The following HELZ variants were observed in gnomAD, a reference collection of about 807,000 sequenced individuals.
HELZ encodes the protein ATP-dependent RNA helicase with zinc finger domain.
In HELZ, 23 loss-of-function variants were observed where a neutral mutation model predicts 218.2. The ratio of observed to expected loss-of-function variants is 0.11; its 90% CI spans 0.08 to 0.15. HELZ has a LOEUF of 0.15. Among genes scored for constraint, HELZ ranks in the 10% least tolerant of loss-of-function variants. HELZ has a pLI of 1.00. For missense variants in HELZ, 1,813 were observed against 2,353.7 expected (o/e 0.77, Z 4.75); for synonymous variants, 814 against 829.4 (o/e 0.98, Z 0.32).
chr17:67,204,074 T>C (rs2040236349), intron 5 of HELZ, among the ~76,000 whole-genome samples: 1 of 152,242 alleles, frequency 6.6e-6, no homozygotes, highest in South Asian at 2.1e-4. Context: ...TGCTAATGGT[T>C]CAATTAGTAG....
intron 31 of HELZ, among the ~76,000 whole-genome samples, chr17:67,104,360 A>T (rs1598223567): frequency 6.7e-6 from 1 of 148,534 alleles, no homozygotes; most frequent in Non-Finnish European, 1.5e-5. Flanking sequence ...AATGGCGTGA[A>T]CCCGGGAGGC....
At chr17:67,171,527 C>T (rs2039310158) in intron 13 of HELZ, among the ~76,000 whole-genome samples, 1 of 152,214 alleles carries the variant, frequency 6.6e-6, no homozygotes, top group South Asian at 2.1e-4. Flanking sequence ...AGTTCCCCTC[C>T]TTCCTAATTC....
At chr17:67,237,942 C>T (rs181963230) in intron 3 of HELZ, among the ~76,000 whole-genome samples, 107 of 148,736 alleles carry the variant, frequency 7.2e-4, no homozygotes, top group Non-Finnish European at 1.1e-3. Flanking sequence ...GAGCTGAGAT[C>T]GCCCCATTGC....
rs1272542357 is a variant in HELZ at position 67,195,435 on chromosome 17, C to A, written c.465G>T (p.Val155=). ...ATSNALSGYH[V]EDLDEGSCNG... is the part of the protein sequence containing the mutation. ...GGCACTTACCCTCATCTAAGTCTTC[C>A]ACGTGATATCCAGAGAGGGCGTTAC... The change falls in exon 8 of 33, where the codon GTG becomes GTT. Residue 155 remains valine, a synonymous_variant. Transcript: ENST00000358691. 3.1e-6 allele frequency: 5 copies of A among 1,605,258 alleles called. No individual in the cohort carries two copies. Among genetic ancestry groups the A allele is most frequent in the Admixed American group, 3.3e-5 (2 of 59,958 alleles).
intron 15 of HELZ, among the ~76,000 whole-genome samples, chr17:67,165,887 T>C (rs1022990171): frequency 2.0e-5 from 3 of 152,170 alleles, no homozygotes; most frequent in African/African-American, 4.8e-5. Flanking sequence ...ATCCCAGAAC[T>C]CTGGCAAGAT....
intron 18 of HELZ, among the ~76,000 whole-genome samples, chr17:67,150,476 GAAC>G (rs2038649831): frequency 6.6e-6 from 1 of 152,114 alleles, no homozygotes; most frequent in African/African-American, 2.4e-5. Context: ...ATATTTATCA[GAAC>G]AACTTCTTGA....
chr17:67,164,168 A>G (rs2039071732), intron 15 of HELZ, among the ~76,000 whole-genome samples: 1 of 152,234 alleles, frequency 6.6e-6, no homozygotes, highest in South Asian at 2.1e-4. Context: ...CTCTTCCTGT[A>G]CAAAGCTCAG....
intron 3 of HELZ, among the ~76,000 whole-genome samples, chr17:67,230,505 G>C (rs536538356): frequency 6.8e-6 from 1 of 148,108 alleles, no homozygotes; most frequent in Non-Finnish European, 1.5e-5. Flanking sequence ...GCTGAGGCAG[G>C]AGAATCGCTT....
rs567255811 is a variant in HELZ at position 67,085,177 on chromosome 17, G to A, written c.5494+1652C>T. ...CTCATGCCTGTAATCCCAGCACTTT[G>A]GGAGGCTGAGGTGGGCAGATCGCTT... On this transcript the variant is annotated intron_variant, in intron 32 of 32. Coordinates refer to ENST00000358691, the MANE Select transcript of HELZ (RefSeq NM_014877.4). 2.0e-5 allele frequency among the ~76,000 whole-genome samples: 3 copies of A among 152,278 alleles called. No homozygotes were observed. In the South Asian group the frequency reaches 6.2e-4, roughly 32 times the overall value.
intron 31 of HELZ, among the ~76,000 whole-genome samples, chr17:67,096,180 T>C (rs955048226): frequency 8.3e-6 from 1 of 119,858 alleles, no homozygotes; most frequent in African/African-American, 3.2e-5. Context: ...GTCTCAATAG[T>C]GGGTTTAAAA....
Position 67,138,123 on chromosome 17 carries a change from A to G in HELZ, c.2770-9T>C. ...TCCACCACTTCAAACACCTTTAAAA[A>G]CAAACACACACATACATATTAAAGT... On this transcript the variant is annotated splice_polypyrimidine_tract_variant and intron_variant, in intron 21 of 32. Coordinates refer to ENST00000358691, the MANE Select transcript of HELZ (RefSeq NM_014877.4). 1.2e-6 allele frequency: 2 copies of G among 1,604,150 alleles called. No individual in the cohort carries two copies. The highest frequency in any genetic ancestry group is 1.7e-6 in the Non-Finnish European group (2 of 1,173,792).
intron 31 of HELZ, among the ~76,000 whole-genome samples, chr17:67,106,441 G>A (rs1281176580): frequency 6.6e-6 from 1 of 151,516 alleles, no homozygotes; most frequent in African/African-American, 2.4e-5. Context: ...CCGAGTAGCT[G>A]GGACTACAGG....
chr17:67,132,274 A>G (rs2038011561), intron 23 of HELZ, among the ~76,000 whole-genome samples: 1 of 152,168 alleles, frequency 6.6e-6, no homozygotes. Context: ...ATCTCTACAC[A>G]TACATGAAAT....
intron 24 of HELZ, among the ~76,000 whole-genome samples, chr17:67,126,526 T>C (rs1232379141): frequency 2.6e-5 from 4 of 152,156 alleles, no homozygotes; most frequent in Non-Finnish European, 5.9e-5. Context: ...ATATAAAATA[T>C]ACAGTGTTTG....
chr17:67,131,310 T>C (rs765521118), intron 23 of HELZ, among the ~76,000 whole-genome samples: 32 of 152,188 alleles, frequency 2.1e-4, no homozygotes, highest in Non-Finnish European at 4.4e-4. Flanking sequence ...TGTTCCTATA[T>C]CACCCTCACT....
intron 5 of HELZ, among the ~76,000 whole-genome samples, chr17:67,215,568 C>T (rs1419090032): frequency 2.6e-5 from 4 of 152,126 alleles, no homozygotes; most frequent in African/African-American, 4.8e-5. Flanking sequence ...AGGCTGGTCT[C>T]AAACTCCAGA....
In HELZ at chr17:67,160,378, G is replaced by C; in HGVS notation, c.2076-16C>G. Reference sequence around the variant, plus strand: ...AATGAGAATCCTGCTGAAATAAATGGTGCAAATAAAAAGAATGATAAAACA... The same window carrying C: ...AATGAGAATCCTGCTGAAATAAATGCTGCAAATAAAAAGAATGATAAAACA... On this transcript the variant is annotated splice_polypyrimidine_tract_variant and intron_variant, in intron 16 of 32. Coordinates refer to ENST00000358691, the MANE Select transcript of HELZ (RefSeq NM_014877.4). The C allele has an allele frequency of 6.5e-7, 1 of 1,539,728 alleles. No individual in the cohort carries two copies. The highest frequency in any genetic ancestry group is 9.0e-7 in the Non-Finnish European group (1 of 1,115,292).
chr17:67,158,217 T>C (rs1488271665), intron 17 of HELZ, among the ~76,000 whole-genome samples: 1 of 152,214 alleles, frequency 6.6e-6, no homozygotes, highest in Non-Finnish European at 1.5e-5. Context: ...GCCTATATCA[T>C]GAAGAGAGCA....
rs904066273 is a variant in HELZ at position 67,188,213 on chromosome 17, T to C, written c.1162+106A>G. 17 of 1,084,824 alleles carry C rather than the reference T, an allele frequency of 1.6e-5. No homozygotes were observed. The highest frequency in any genetic ancestry group is 3.0e-4 in the Middle Eastern group (1 of 3,308). 67.2% of individuals were successfully genotyped at this position (1,084,824 alleles called of 1,614,324 possible). A position where few individuals can be genotyped will look rare whatever the true frequency, so the allele number is the denominator to read the frequency against. On this transcript the variant is annotated intron_variant, in intron 12 of 32. Transcript: ENST00000358691. The surrounding 1 kb of genome is among the most constrained non-coding windows in gnomAD (Gnocchi z 4.1). ...TCAATTAAGTTGGGATTTTTTTCTT[T>C]ATTACTATTCTCTTCCTATCCATGG...
Sources: gnomAD v4.1 joint callset for allele counts (sites outside exome capture counted in the v4.1 genomes callset) on GRCh38, gnomAD v4.1.1 for gene constraint, Gnocchi (gnomAD v3.1) non-coding constraint, MANE v1.5 for transcripts, NCBI Gene and HGNC (gene_info 2026-07-23, HGNC 2026-07-21) for gene names.